The following MTUS2 variants were observed in gnomAD, a reference collection of about 807,000 sequenced individuals.
The protein encoded by MTUS2 is microtubule associated scaffold protein 2, also known as microtubule-associated tumor suppressor candidate 2.
In MTUS2, 40 loss-of-function variants were observed where a neutral mutation model predicts 114.1. The ratio of observed to expected loss-of-function variants is 0.35; its 90% CI spans 0.27 to 0.46. The LOEUF (loss-of-function observed/expected upper bound fraction) is 0.46. Among genes scored for constraint, MTUS2 ranks in the 20% least tolerant of loss-of-function variants. MTUS2 has a pLI of 1.00. For missense variants in MTUS2, 1,679 were observed against 1,705.4 expected (o/e 0.98, Z 0.27); for synonymous variants, 688 against 672.0 (o/e 1.02, Z -0.37).
intron 5 of MTUS2, among the ~76,000 whole-genome samples, chr13:29,214,916 G>A (rs2139297802): frequency 6.6e-6 from 1 of 152,196 alleles, no homozygotes; most frequent in East Asian, 1.9e-4. Context: ...TGTATTGCTA[G>A]GTTGAGGAAG....
rs76278067 is a variant in MTUS2 at position 29,178,411 on chromosome 13, T to C, written c.2644+77441T>C. 2.4e-4 allele frequency among the ~76,000 whole-genome samples: 36 copies of C among 152,268 alleles called. No individual in the cohort carries two copies. In the East Asian group the frequency reaches 6.9e-3, roughly 29 times the overall value. On this transcript the variant is annotated intron_variant, in intron 5 of 15. Transcript: ENST00000612955. The stretch of plus-strand genomic sequence containing the variant: ...TAATCTTTGAAAATCCTCGGAGATA[T>C]TCTATGAATTGCAGAACCAGAGTTA...
chr13:29,379,404 G>A (rs1417284842), intron 8 of MTUS2, among the ~76,000 whole-genome samples: 1 of 152,166 alleles, frequency 6.6e-6, no homozygotes, highest in Non-Finnish European at 1.5e-5. Flanking sequence ...CTATAGAAGA[G>A]TGGGTCAGAA....
At chr13:29,348,488 T>A (rs548446249) in intron 7 of MTUS2, among the ~76,000 whole-genome samples, 2 of 152,196 alleles carry the variant, frequency 1.3e-5, no homozygotes, top group Non-Finnish European at 2.9e-5. Context: ...CAGCAAAGTC[T>A]GTCTTGGTAA....
chr13:29,409,323 A>G (rs939242667), intron 8 of MTUS2, among the ~76,000 whole-genome samples: 1 of 152,178 alleles, frequency 6.6e-6, no homozygotes, highest in Non-Finnish European at 1.5e-5. Context: ...CAAAAAAAAC[A>G]AAAAATCAAA....
chr13:29,467,485 C>T (rs767765107), intron 9 of MTUS2, among the ~76,000 whole-genome samples: 4 of 152,160 alleles, frequency 2.6e-5, no homozygotes, highest in Non-Finnish European at 5.9e-5. Flanking sequence ...ATTATATGAA[C>T]CGGTGCCGTG....
rs546524759 is a variant in MTUS2 at position 28,999,658 on chromosome 13, G to T, written c.-242-24799G>T. Among the ~76,000 whole-genome samples, 6 of 152,180 alleles carry T rather than the reference G, an allele frequency of 3.9e-5. No individual in the cohort carries two copies. In the South Asian group the frequency reaches 1.2e-3, roughly 32 times the overall value. Reference sequence around the variant, plus strand: ...CAAAATTCTCTCTTCTAGCTATTTTGTAATATAGATTGTATTATTGTTAAC... The same window carrying T: ...CAAAATTCTCTCTTCTAGCTATTTTTTAATATAGATTGTATTATTGTTAAC... On this transcript the variant is annotated intron_variant, in intron 2 of 15. Transcript: ENST00000612955.
At chr13:29,228,227 A>G (rs1422027884) in intron 5 of MTUS2, among the ~76,000 whole-genome samples, 1 of 152,250 alleles carries the variant, frequency 6.6e-6, no homozygotes, top group Non-Finnish European at 1.5e-5. Flanking sequence ...ATGTCGTGGA[A>G]TACTGTACAG....
At chr13:28,957,860 G>T (rs1883145206) in intron 2 of MTUS2, among the ~76,000 whole-genome samples, 1 of 152,198 alleles carries the variant, frequency 6.6e-6, no homozygotes, top group Non-Finnish European at 1.5e-5. Flanking sequence ...GCAATATGAT[G>T]CCAGGAATTG....
At chr13:29,296,415 T>C (rs923857831) in intron 6 of MTUS2, among the ~76,000 whole-genome samples, 1 of 152,070 alleles carries the variant, frequency 6.6e-6, no homozygotes, top group African/African-American at 2.4e-5. Flanking sequence ...CTTGCTACAT[T>C]GTCCAGGCTG....
Position 29,389,590 on chromosome 13 carries a change from C to CAT in MTUS2, c.3117+30120_3117+30121dup, listed in dbSNP as rs1366661577. ...GTGTACATATGTGTGTATACGTATA[C>CAT]ATATGTGTGTATACGTATACATATG... On this transcript the variant is annotated intron_variant, in intron 8 of 15. Coordinates refer to ENST00000612955, the MANE Select transcript of MTUS2 (RefSeq NM_001033602.4). 2.1e-4 allele frequency among the ~76,000 whole-genome samples: 22 copies of CAT among 103,274 alleles called. 2 individuals are homozygous for CAT. The highest frequency in any genetic ancestry group is 4.8e-4 in the African/African-American group (11 of 22,808). 67.8% of individuals were successfully genotyped at this position (103,274 alleles called of 152,430 possible).
chr13:29,344,602 A>G (rs995201637), intron 7 of MTUS2, among the ~76,000 whole-genome samples: 1 of 152,130 alleles, frequency 6.6e-6, no homozygotes, highest in Non-Finnish European at 1.5e-5. Context: ...ATTCTTATCC[A>G]TTCTGCCATT....
intron 8 of MTUS2, among the ~76,000 whole-genome samples, chr13:29,390,710 G>A (rs550351810): frequency 2.6e-5 from 4 of 151,738 alleles, no homozygotes; most frequent in South Asian, 2.1e-4. Context: ...GGGTAAAATC[G>A]GTGTTGGTTT....
At chr13:29,005,704 G>T (rs2138400678) in intron 2 of MTUS2, among the ~76,000 whole-genome samples, 1 of 152,316 alleles carries the variant, frequency 6.6e-6, no homozygotes, top group South Asian at 2.1e-4. Flanking sequence ...ATTTTTGTCT[G>T]TTGTTATTCT....
At chr13:29,218,849 A>G (rs939988075) in intron 5 of MTUS2, among the ~76,000 whole-genome samples, 1 of 152,180 alleles carries the variant, frequency 6.6e-6, no homozygotes, top group Non-Finnish European at 1.5e-5. Flanking sequence ...CCATTTCTAG[A>G]GCACAGGCAC....
At chr13:29,403,494 G>T (rs141910264) in intron 8 of MTUS2, among the ~76,000 whole-genome samples, 1 of 152,204 alleles carries the variant, frequency 6.6e-6, no homozygotes, top group Non-Finnish European at 1.5e-5. Context: ...GTCTATGAGG[G>T]TGTATCCAGT....
intron 9 of MTUS2, among the ~76,000 whole-genome samples, chr13:29,463,596 AG>A (rs1879671495): frequency 1.2e-5 from 1 of 86,582 alleles, no homozygotes; most frequent in Non-Finnish European, 2.3e-5. Context: ...GACTTGCCCT[AG>A]GTCACAGCCA....
intron 4 of MTUS2, among the ~76,000 whole-genome samples, chr13:29,045,668 T>G (rs1169166712): frequency 2.0e-5 from 3 of 152,216 alleles, no homozygotes; most frequent in Non-Finnish European, 2.9e-5. Flanking sequence ...ACAGTTTTGC[T>G]TTTTCCAAGA....
intron 2 of MTUS2, among the ~76,000 whole-genome samples, chr13:29,003,848 C>G (rs934910986): frequency 2.6e-5 from 4 of 152,208 alleles, no homozygotes; most frequent in Non-Finnish European, 5.9e-5. Flanking sequence ...GATGGCTCTT[C>G]TGCCACTCTT....
intron 2 of MTUS2, among the ~76,000 whole-genome samples, chr13:28,906,327 G>A (rs538137114): frequency 1.3e-5 from 2 of 150,956 alleles, no homozygotes; most frequent in East Asian, 3.9e-4. Flanking sequence ...TGCTTTTCTA[G>A]TTCTTTTAAT....
Sources: gnomAD v4.1 joint callset for allele counts (sites outside exome capture counted in the v4.1 genomes callset) on GRCh38, gnomAD v4.1.1 for gene constraint, MANE v1.5 for transcripts, NCBI Gene and HGNC (gene_info 2026-07-23, HGNC 2026-07-21) for gene names.